The following PLCB3 variants were observed in gnomAD, a reference collection of about 807,000 sequenced individuals.
PLCB3 encodes phospholipase C beta 3, also known as 1-phosphatidylinositol 4,5-bisphosphate phosphodiesterase beta-3.
PLCB3 carries 54 observed loss-of-function variants against 152.1 expected under a neutral mutation model. The ratio of observed to expected loss-of-function variants is 0.36; its 90% confidence interval spans 0.29 to 0.45. The LOEUF is 0.45. Ranked by LOEUF, PLCB3 falls within the 20% of genes least tolerant of loss-of-function variation. The pLI, the probability that PLCB3 is intolerant of heterozygous loss-of-function variation, is 1.00. For missense variants in PLCB3, 1,248 were observed against 1,687.5 expected (o/e 0.74, Z 4.56); for synonymous variants, 717 against 698.7 (o/e 1.03, Z -0.41).
chr11:64,263,118 A>G (rs1161278332), intron 19 of PLCB3, among the ~76,000 whole-genome samples: 2 of 152,212 alleles, frequency 1.3e-5, no homozygotes. Flanking sequence ...CCCCAAGCTC[A>G]TATCCGCTCT....
At position 64,251,711 on chromosome 11, in the gene PLCB3, C is replaced by A. The variant is rs1378481851; in HGVS notation, c.62C>A (p.Thr21Asn). 3.4e-6 allele frequency: 5 copies of A among 1,484,908 alleles called. No homozygotes were observed. The highest frequency in any genetic ancestry group is 4.5e-6 in the Non-Finnish European group (5 of 1,115,722). 92.0% of individuals were successfully genotyped at this position (1,484,908 alleles called of 1,614,324 possible). ...LQLEPPTVVE[T>N]LRRGSKFIKW... ...TTGGAGCCGCCCACCGTGGTGGAGACCCTGCGGCGCGGGAGTAAGTTCATC... is the reference window on the plus strand; with the variant it reads ...TTGGAGCCGCCCACCGTGGTGGAGAACCTGCGGCGCGGGAGTAAGTTCATC... Residue 21 changes from threonine (T) to asparagine (N), a missense_variant, in exon 1 of 31, where the codon ACC (threonine) becomes AAC (asparagine). Around this residue, in one of 6 missense-constraint regions of PLCB3, gnomAD observed 299 missense variants for 434.7 expected, o/e 0.69. Coordinates refer to ENST00000279230, the MANE Select transcript of PLCB3 (RefSeq NM_000932.5).
Position 64,267,336 on chromosome 11 carries a change from C to T in PLCB3, c.3502-17C>T. On this transcript the variant is annotated splice_polypyrimidine_tract_variant and intron_variant, in intron 30 of 30. Transcript: ENST00000279230. The surrounding 1 kb of genome is among the most constrained non-coding windows in gnomAD (Gnocchi z 5.2). ...GGCAGCCAGGCCTCGCCTGTGATGC[C>T]CATCCTTCTCCCACAGCTGCTGGCC... 6.5e-7 allele frequency: 1 copy of T among 1,549,056 alleles called. No homozygotes were observed. The highest frequency in any genetic ancestry group is 8.7e-7 in the Non-Finnish European group (1 of 1,145,456).
chr11:64,267,413 CG>C lies in PLCB3; in HGVS notation c.3563del (p.Arg1188ProfsTer78). On this transcript the variant is annotated frameshift_variant, in exon 31 of 31. Transcript: ENST00000279230. LOFTEE classifies it high-confidence loss of function. The surrounding 1 kb of genome is among the most constrained non-coding windows in gnomAD (Gnocchi z 5.2). ...GCGGGCGAGGCTCCCCCAGGAGATCCGCCGGAGCCTGCTGGGCGAGATGCCG... is the reference window on the plus strand; with the variant it reads ...GCGGGCGAGGCTCCCCCAGGAGATCCCCGGAGCCTGCTGGGCGAGATGCCG... The part of the protein sequence containing the change: ...EQRARLPQEI[R>X]RSLLGEMPEG... 6.5e-7 allele frequency: 1 copy of C among 1,540,012 alleles called. No homozygotes were observed. The highest frequency in any genetic ancestry group is 8.8e-7 in the Non-Finnish European group (1 of 1,142,018).
In PLCB3 at chr11:64,265,083, A is replaced by G. The variant is rs1403143454; in HGVS notation, c.2785A>G (p.Ser929Gly). 1 of 993,006 alleles carries G rather than the reference A, an allele frequency of 1.0e-6. No homozygotes were observed. Among genetic ancestry groups the G allele is most frequent in the Admixed American group, 4.2e-5 (1 of 23,730 alleles). 61.5% of individuals were successfully genotyped at this position (993,006 alleles called of 1,614,324 possible). A position where few individuals can be genotyped will look rare whatever the true frequency, so the allele number is the denominator to read the frequency against. The change falls in exon 23 of 31, where the codon AGC (serine) becomes GGC (glycine). Residue 929 changes from serine to glycine, a missense_variant. By Grantham distance (56) the Ser-to-Gly change is moderately conservative. This residue lies in a region of PLCB3 where 477 missense variants were observed against 489.6 expected (regional missense o/e 0.97). Coordinates refer to ENST00000279230, the MANE Select transcript of PLCB3 (RefSeq NM_000932.5). Reference sequence around the variant, plus strand: ...CCCTGGCCCCACCACCTCCCCTGCCAGCACCTCCCTCAGCAGCCCAGGTAA... The same window carrying G: ...CCCTGGCCCCACCACCTCCCCTGCCGGCACCTCCCTCAGCAGCCCAGGTAA... ...RPPGPTTSPA[S>G]TSLSSPGQRD...
chr11:64,267,627 G>T lies in PLCB3; in HGVS notation c.*71G>T. On this transcript the variant is annotated 3_prime_UTR_variant, in exon 31 of 31. Transcript: ENST00000279230. The surrounding 1 kb of genome is among the most constrained non-coding windows in gnomAD (Gnocchi z 5.2). ...GAGGGCAGGAGGCAATGACACTAATGCTTTTTTTTTTTTTTTTTAACTTTT... is the reference window on the plus strand; with the variant it reads ...GAGGGCAGGAGGCAATGACACTAATTCTTTTTTTTTTTTTTTTTAACTTTT... 15 of 919,712 alleles carry T rather than the reference G, an allele frequency of 1.6e-5. No individual in the cohort carries two copies. The highest frequency in any genetic ancestry group is 3.4e-5 in the South Asian group (2 of 59,128). The allele number at this position is 919,712 out of a possible 1,614,324, so 57.0% of individuals were successfully genotyped here. A position where few individuals can be genotyped will look rare whatever the true frequency, so the allele number is the denominator to read the frequency against.
In PLCB3 at chr11:64,264,005, T is replaced by C. The variant is rs201959617; in HGVS notation, c.2561-16T>C. The C allele has an allele frequency of 7.2e-5, 112 of 1,563,772 alleles. No individual in the cohort carries two copies. In the East Asian group the frequency reaches 8.1e-4, roughly 11 times the overall value. ...GGGCTCTGTCTCTGAGACCTTGGCC[T>C]TCTGCCTCCCCCCAGACTATGCGGA... On this transcript the variant is annotated splice_polypyrimidine_tract_variant and intron_variant, in intron 21 of 30. Coordinates refer to ENST00000279230, the MANE Select transcript of PLCB3 (RefSeq NM_000932.5).
At chr11:64,252,658 T>G (rs1341065381) in intron 1 of PLCB3, among the ~76,000 whole-genome samples, 2 of 151,886 alleles carry the variant, frequency 1.3e-5, no homozygotes, top group Non-Finnish European at 2.9e-5. Flanking sequence ...GGGCGTGGCC[T>G]GAAGCGGCAG....
At chr11:64,263,995 G>C (rs2031986213) in intron 21 of PLCB3, 26 bp from the exon 22 acceptor site, 2 of 1,548,226 alleles carry the variant, frequency 1.3e-6, no homozygotes, top group East Asian at 4.5e-5. Context: ...CTGTCTCTGA[G>C]ACCTTGGCCT....
At chr11:64,269,331 A>G (rs1231586091), downstream of PLCB3, among the ~76,000 whole-genome samples, 1 of 152,158 alleles carries the variant, frequency 6.6e-6, no homozygotes, top group Admixed American at 6.5e-5. Flanking sequence ...GGCGCAATGC[A>G]TCTCTGTGCC....
intron 1 of PLCB3, among the ~76,000 whole-genome samples, chr11:64,252,050 T>G (rs1320102226): frequency 6.6e-6 from 1 of 151,850 alleles, no homozygotes; most frequent in Non-Finnish European, 1.5e-5. Context: ...CCAGACTAAT[T>G]CTCGTTCCCC....
chr11:64,256,487 C>T lies in PLCB3; in HGVS notation c.810C>T (p.Ser270=). ...TGCTGTACCCGCCCCTGCGGCCCTC[C>T]CAGGCCCGGCTGCTCATCGAAAAGT... ...NEVLYPPLRP[S]QARLLIEKYE... is the part of the protein sequence containing the mutation. Residue 270 remains serine (S), a synonymous_variant, in exon 9 of 31, where the codon TCC becomes TCT. Transcript: ENST00000279230. 6.2e-7 allele frequency: 1 copy of T among 1,613,900 alleles called. No homozygotes were observed. Among genetic ancestry groups the T allele is most frequent in the Non-Finnish European group, 8.5e-7 (1 of 1,180,014 alleles).
rs767545567 is a variant in PLCB3, at chr11:64,262,572, C to T, written c.2193+11C>T. On this transcript the variant is annotated intron_variant, in intron 18 of 30. Coordinates refer to ENST00000279230, the MANE Select transcript of PLCB3 (RefSeq NM_000932.5). Reference sequence around the variant, plus strand: ...GCCTTGCGGGTCAAGGTGGGGCTTGCGGGCGGCTCAGGCCAGGGGTGTCCT... The same window carrying T: ...GCCTTGCGGGTCAAGGTGGGGCTTGTGGGCGGCTCAGGCCAGGGGTGTCCT... The T allele has an allele frequency of 2.3e-5, 37 of 1,612,646 alleles. No homozygotes were observed. Among genetic ancestry groups the T allele is most frequent in the Middle Eastern group, 1.6e-4 (1 of 6,080 alleles).
rs1565332775 is a variant in PLCB3 at position 64,258,849 on chromosome 11, G to A, written c.1254-36G>A. On this transcript the variant is annotated intron_variant, in intron 11 of 30. Transcript: ENST00000279230. This position sits in a 1 kb window ranked among gnomAD's most constrained non-coding sequence, Gnocchi z 7.2. Reference sequence around the variant, plus strand: ...CCGTAGACCTCAGCTTCCTCTCTGGGGGAGGGATCTCTGACCTCTGACCTC... The same window carrying A: ...CCGTAGACCTCAGCTTCCTCTCTGGAGGAGGGATCTCTGACCTCTGACCTC... 6.2e-7 allele frequency: 1 copy of A among 1,612,092 alleles called. No homozygotes were observed. The highest frequency in any genetic ancestry group is 1.7e-5 in the Admixed American group (1 of 60,014).
Position 64,263,769 on chromosome 11 carries a change from C to G in PLCB3, c.2534C>G (p.Ser845Trp), listed in dbSNP as rs35169799. The change falls in exon 21 of 31, where the codon TCG (serine) becomes TGG (tryptophan). Residue 845 changes from serine to tryptophan, a missense_variant. Transcript: ENST00000279230. ...GCCCTGCTCATCTACACCGAAGCCT[C>G]GGACTACATTCCTGACGACCACCAG... ...LPALLIYTEA[S>W]DYIPDDHQDY... The G allele has an allele frequency of 6.2e-7, 1 of 1,613,250 alleles. No individual in the cohort carries two copies. Among genetic ancestry groups the G allele is most frequent in the Non-Finnish European group, 8.5e-7 (1 of 1,179,866 alleles).
In PLCB3 at chr11:64,258,238, T is replaced by G. The variant is rs1215952445; in HGVS notation, c.1013-235T>G. ...GAGGTGGTGTGAGCTGTGCCAGGGC[T>G]GAGGTGGGTGGAGGGAGTGAGGAGA... On this transcript the variant is annotated intron_variant, in intron 10 of 30. Transcript: ENST00000279230. The surrounding 1 kb of genome is among the most constrained non-coding windows in gnomAD (Gnocchi z 7.2). Among the ~76,000 whole-genome samples, 4 of 151,552 alleles carry G rather than the reference T, an allele frequency of 2.6e-5. No individual in the cohort carries two copies. Among genetic ancestry groups the G allele is most frequent in the African/African-American group, 9.7e-5 (4 of 41,220 alleles).
At position 64,262,671 on chromosome 11, in the gene PLCB3, G is replaced by A. The variant is rs774167540; in HGVS notation, c.2218G>A (p.Asp740Asn). ...VKVISGQFLS[D>N]RKVGIYVEVD... ...GGTGATCTCAGGGCAGTTCCTGTCC[G>A]ACAGGAAGGTGGGCATCTACGTGGA... Residue 740 changes from aspartate to asparagine, a missense_variant, in exon 19 of 31, where the codon GAC becomes AAC. By Grantham distance (23) the Asp-to-Asn change is conservative. Transcript: ENST00000279230. The A allele has an allele frequency of 5.6e-6, 9 of 1,613,888 alleles. No homozygotes were observed. Among genetic ancestry groups the A allele is most frequent in the South Asian group, 4.4e-5 (4 of 91,094 alleles).
intron 17 of PLCB3, 103 bp downstream of exon 17, chr11:64,262,179 A>C: frequency 6.6e-7 from 1 of 1,509,856 alleles, no homozygotes; most frequent in Non-Finnish European, 9.1e-7. Context: ...ACCCTGTCTC[A>C]TCCCAGATCC....
In PLCB3 at chr11:64,267,648, CTT is replaced by C. The variant is rs1249023457; in HGVS notation, c.*96_*97del. 1.1e-6 allele frequency: 1 copy of C among 904,272 alleles called. No homozygotes were observed. Among genetic ancestry groups the C allele is most frequent in the Non-Finnish European group, 1.6e-6 (1 of 614,078 alleles). The allele number at this position is 904,272 out of a possible 1,614,324, so 56.0% of individuals were successfully genotyped here. A position where few individuals can be genotyped will look rare whatever the true frequency, so the allele number is the denominator to read the frequency against. On this transcript the variant is annotated 3_prime_UTR_variant, in exon 31 of 31. Transcript: ENST00000279230. The surrounding 1 kb of genome is among the most constrained non-coding windows in gnomAD (Gnocchi z 5.2). ...TAATGCTTTTTTTTTTTTTTTTTAA[CTT>C]TTTATCTAGAAATTTTATTTTTTTA...
Position 64,262,811 on chromosome 11 carries a change from G to A in PLCB3, c.2355+3G>A. On this transcript the variant is annotated splice_donor_region_variant and intron_variant, in intron 19 of 30. Transcript: ENST00000279230. ...AAGAGCCCTTCGACTTCCCCAAGGT[G>A]AGCCTGGCCCCTGCACCCGCCCAGG... 1.9e-6 allele frequency: 3 copies of A among 1,612,392 alleles called. No individual in the cohort carries two copies. The highest frequency in any genetic ancestry group is 4.5e-5 in the East Asian group (2 of 44,862).
Sources: gnomAD v4.1 joint callset for allele counts (sites outside exome capture counted in the v4.1 genomes callset) on GRCh38, gnomAD v4.1.1 for gene constraint, gnomAD v4.1.1 regional missense constraint, Gnocchi (gnomAD v3.1) non-coding constraint, MANE v1.5 for transcripts, NCBI Gene and HGNC (gene_info 2026-07-23, HGNC 2026-07-21) for gene names.